Variants in PCCA observed in about 807,000 individuals in gnomAD.
PCCA encodes propionyl-CoA carboxylase alpha chain, mitochondrial.
Under a neutral mutation model 101.3 loss-of-function variants are expected in PCCA, and 74 were observed. The ratio of observed to expected loss-of-function variants is 0.73; its 90% CI spans 0.61 to 0.89. The LOEUF (loss-of-function observed/expected upper bound fraction) is 0.89. Ranked by LOEUF, PCCA falls within the 40% of genes least tolerant of loss-of-function variation. The pLI, the probability that PCCA is intolerant of heterozygous loss-of-function variation, is 0.00. For missense variants in PCCA, 891 were observed against 907.0 expected (o/e 0.98, Z 0.23); for synonymous variants, 294 against 313.6 (o/e 0.94, Z 0.66).
chr13:100,373,388 A>G (rs971119913), intron 19 of PCCA, among the ~76,000 whole-genome samples: 9 of 152,302 alleles, frequency 5.9e-5, no homozygotes, highest in Admixed American at 2.6e-4. Context: ...GTCCCTCAAA[A>G]ACTTAAAAGT....
chr13:100,244,958 T>TGC lies in PCCA; in HGVS notation c.637+9081_637+9082insCG, dbSNP rs1271863877. On this transcript the variant is annotated intron_variant, in intron 8 of 23. Transcript: ENST00000376285. ...GTGTGTGTGTGTGTGTGTGTGTGTG[T>TGC]GTGTGTGCGCAGTAGTAGAGATGTG... is the stretch of plus-strand genomic sequence containing the variant. 5.9e-5 allele frequency among the ~76,000 whole-genome samples: 8 copies of TGC among 135,682 alleles called. No homozygotes were observed. The East Asian group carries it at 1.9e-3, about 33-fold the overall frequency. The allele number at this position is 135,682 out of a possible 152,430, so 89.0% of individuals were successfully genotyped here.
chr13:100,391,662 T>A (rs1473203718), intron 19 of PCCA, among the ~76,000 whole-genome samples: 1 of 152,092 alleles, frequency 6.6e-6, no homozygotes, highest in Non-Finnish European at 1.5e-5. Flanking sequence ...GGGTTTCGAT[T>A]TTATTGTGAC....
chr13:100,379,431 A>G lies in PCCA; in HGVS notation c.1746+10857A>G, dbSNP rs868447007. Among the ~76,000 whole-genome samples, 4 of 152,320 alleles carry G rather than the reference A, an allele frequency of 2.6e-5. 1 individual carries two copies. The highest frequency in any genetic ancestry group is 6.8e-3 in the Middle Eastern group (2 of 294). On this transcript the variant is annotated intron_variant, in intron 19 of 23. Transcript: ENST00000376285. ...TTAACAAAAGAAGTATAAAACTTGT[A>G]TTGTGAAACAAACCATTGAAAAAAG...
intron 4 of PCCA, among the ~76,000 whole-genome samples, chr13:100,115,832 T>C (rs1217484785): frequency 6.6e-6 from 1 of 152,198 alleles, no homozygotes; most frequent in Non-Finnish European, 1.5e-5. Context: ...GTAGGGAATA[T>C]ACCAGAGATT....
chr13:100,129,847 T>C (rs1328131067), intron 4 of PCCA, among the ~76,000 whole-genome samples: 1 of 152,220 alleles, frequency 6.6e-6, no homozygotes, highest in Non-Finnish European at 1.5e-5. Context: ...TCGCCATCTG[T>C]ACTTTGCATT....
intron 20 of PCCA, among the ~76,000 whole-genome samples, chr13:100,448,035 C>G (rs1422246935): frequency 7.9e-5 from 12 of 152,188 alleles, no homozygotes; most frequent in Admixed American, 7.9e-4. Flanking sequence ...GCCACTAATA[C>G]TCTACATCTG....
chr13:100,164,290 A>T, intron 6 of PCCA, among the ~76,000 whole-genome samples: 1 of 152,222 alleles, frequency 6.6e-6, no homozygotes, highest in South Asian at 2.1e-4. Context: ...TAGAAAAAAA[A>T]TGTTACTGAT....
chr13:100,465,985 T>C (rs979593169), intron 21 of PCCA, among the ~76,000 whole-genome samples: 2 of 152,264 alleles, frequency 1.3e-5, no homozygotes, highest in Non-Finnish European at 2.9e-5. Flanking sequence ...GAACCAGGTC[T>C]ACCATGGACA....
At chr13:100,154,358 T>G (rs1014360262) in intron 4 of PCCA, 5 of 153,360 alleles carry the variant, frequency 3.3e-5, no homozygotes, top group Non-Finnish European at 5.8e-5. Context: ...TTGAGTAGCT[T>G]TAGAACTTAA....
chr13:100,390,443 C>T (rs1022109567), intron 19 of PCCA, among the ~76,000 whole-genome samples: 33 of 152,008 alleles, frequency 2.2e-4, no homozygotes, highest in Non-Finnish European at 4.1e-4. Context: ...GGGGGAGATT[C>T]GGTCTCCAGT....
chr13:100,345,188 T>G (rs1287779304), intron 18 of PCCA, among the ~76,000 whole-genome samples: 1 of 152,170 alleles, frequency 6.6e-6, no homozygotes, highest in African/African-American at 2.4e-5. Flanking sequence ...AGGGTAGAAA[T>G]GATTAAGCTT....
At chr13:100,506,122 T>G (rs1464684423) in intron 21 of PCCA, among the ~76,000 whole-genome samples, 1 of 152,150 alleles carries the variant, frequency 6.6e-6, no homozygotes, top group Non-Finnish European at 1.5e-5. Flanking sequence ...CCTGTTGGCT[T>G]CAGAGACTTG....
chr13:100,478,638 T>C (rs956599052), intron 21 of PCCA, among the ~76,000 whole-genome samples: 9 of 152,126 alleles, frequency 5.9e-5, no homozygotes, highest in African/African-American at 1.4e-4. Flanking sequence ...TCAGGAGGGC[T>C]CGCCTGCCTC....
At chr13:100,240,397 G>A (rs1336778571) in intron 8 of PCCA, among the ~76,000 whole-genome samples, 3 of 151,392 alleles carry the variant, frequency 2.0e-5, no homozygotes, top group Admixed American at 1.3e-4. Flanking sequence ...TCTTTTGCGG[G>A]GTGAAGGGGG....
intron 20 of PCCA, among the ~76,000 whole-genome samples, chr13:100,436,030 C>T (rs986521214): frequency 2.7e-5 from 4 of 147,926 alleles, no homozygotes; most frequent in East Asian, 4.1e-4. Flanking sequence ...GCAACAAGAG[C>T]GAAACTCTGT....
chr13:100,222,188 G>T (rs1262759820), intron 7 of PCCA, among the ~76,000 whole-genome samples: 1 of 151,982 alleles, frequency 6.6e-6, no homozygotes, highest in Non-Finnish European at 1.5e-5. Context: ...TTACAGATAT[G>T]CGCCACCATG....
At chr13:100,199,418 T>C (rs1462780435) in intron 6 of PCCA, among the ~76,000 whole-genome samples, 1 of 152,218 alleles carries the variant, frequency 6.6e-6, no homozygotes, top group Non-Finnish European at 1.5e-5. Flanking sequence ...TCTTGCTTCC[T>C]TTTCTTCATG....
At chr13:100,298,672 CTCCT>C (rs1162874306) in intron 12 of PCCA, among the ~76,000 whole-genome samples, 296 of 3,046 alleles carry the variant, frequency 0.097, 11 homozygotes, top group Middle Eastern at 0.5. Flanking sequence ...CCCTCCCTCC[CTCCT>C]TCCTTCCTTC....
At chr13:100,417,372 C>T (rs1464306236) in intron 19 of PCCA, among the ~76,000 whole-genome samples, 1 of 152,170 alleles carries the variant, frequency 6.6e-6, no homozygotes, top group African/African-American at 2.4e-5. Flanking sequence ...CCAAACACTC[C>T]GTGCTCCATG....
Sources: gnomAD v4.1 joint callset for allele counts (sites outside exome capture counted in the v4.1 genomes callset) on GRCh38, gnomAD v4.1.1 for gene constraint, MANE v1.5 for transcripts, NCBI Gene and HGNC (gene_info 2026-07-23, HGNC 2026-07-21) for gene names.